PPP3R1: variants seen among roughly 807,000 people sequenced by gnomAD.
The protein encoded by PPP3R1 is calcineurin subunit B type 1.
A neutral mutation model predicts 22.6 loss-of-function variants in PPP3R1; 5 were observed. The observed-to-expected ratio is 0.22, with a 90% CI of 0.12 to 0.46. PPP3R1 has a LOEUF of 0.46. Ranked by LOEUF, PPP3R1 falls within the 20% of genes least tolerant of loss-of-function variation. PPP3R1 has a pLI of 0.99. For missense variants in PPP3R1, 61 were observed against 203.2 expected, an observed-to-expected ratio of 0.30 and a Z score of 4.25; for synonymous variants, 56 against 65.2, an observed-to-expected ratio of 0.86 and a Z score of 0.68.
chr2:68,243,476 A>C (rs1447766437), intron 1 of PPP3R1, among the ~76,000 whole-genome samples: 1 of 152,190 alleles, frequency 6.6e-6, no homozygotes, highest in Non-Finnish European at 1.5e-5. Flanking sequence ...AATAAATTTT[A>C]AACAATCAAG....
chr2:68,230,304 T>C (rs1305574487), intron 1 of PPP3R1, among the ~76,000 whole-genome samples: 2 of 152,188 alleles, frequency 1.3e-5, no homozygotes, highest in Admixed American at 6.5e-5. Context: ...TCATTTCTGT[T>C]TTCTTTATCC....
intron 2 of PPP3R1, among the ~76,000 whole-genome samples, chr2:68,192,350 G>A (rs544114218): frequency 6.6e-6 from 1 of 152,196 alleles, no homozygotes; most frequent in South Asian, 2.1e-4. Context: ...GAGTAGATAA[G>A]AAAAGATAAT....
intron 2 of PPP3R1, among the ~76,000 whole-genome samples, chr2:68,189,979 GAA>G (rs1324927886): frequency 2.0e-5 from 3 of 151,866 alleles, no homozygotes; most frequent in Admixed American, 2.0e-4. Context: ...CACAACACTA[GAA>G]AAGAGTACAA....
chr2:68,193,883 T>G (rs1674716994), intron 2 of PPP3R1, among the ~76,000 whole-genome samples: 1 of 152,128 alleles, frequency 6.6e-6, no homozygotes, highest in East Asian at 1.9e-4. Context: ...TTCTAACTTT[T>G]GGCGCCAATT....
chr2:68,252,316 G>C lies in PPP3R1; in HGVS notation c.-189C>G, dbSNP rs1035077945. 1 of 1,022,518 alleles carries C rather than the reference G, an allele frequency of 9.8e-7. No individual in the cohort carries two copies. The highest frequency in any genetic ancestry group is 9.8e-5 in the East Asian group (1 of 10,246). 63.3% of individuals were successfully genotyped at this position (1,022,518 alleles called of 1,614,324 possible). On this transcript the variant is annotated 5_prime_UTR_variant, in exon 1 of 6. Coordinates refer to ENST00000234310, the MANE Select transcript of PPP3R1 (RefSeq NM_000945.4). ...CGGCCGGGCGATTGGGCACGCGAGGGAGCGGGCAGGGTAGGGGGAAATAAA... is the reference window on the plus strand; with the variant it reads ...CGGCCGGGCGATTGGGCACGCGAGGCAGCGGGCAGGGTAGGGGGAAATAAA...
At chr2:68,184,905 T>C (rs1016490595) in intron 5 of PPP3R1, among the ~76,000 whole-genome samples, 10 of 151,958 alleles carry the variant, frequency 6.6e-5, no homozygotes, top group African/African-American at 9.7e-5. Flanking sequence ...CTGGGCAACA[T>C]AGCGAGACCC....
rs1305459639 is a variant in PPP3R1, at chr2:68,229,934, GTA to G, written c.4-12805_4-12804del. Among the ~76,000 whole-genome samples the G allele has an allele frequency of 2.2e-3, 333 of 148,428 alleles. 5 individuals are homozygous for G. Among genetic ancestry groups the G allele is most frequent in the African/African-American group, 8.2e-3 (324 of 39,566 alleles). On this transcript the variant is annotated intron_variant, in intron 1 of 5. Transcript: ENST00000234310. The stretch of plus-strand genomic sequence containing the variant: ...TGTATATGTGTATATATATGTGTGT[GTA>G]TGTGTGTATATATGTGTGTGTGTAT...
chr2:68,179,462 A>T lies in PPP3R1; in HGVS notation c.*1501T>A, dbSNP rs1384809397. 1 of 152,480 alleles carries T rather than the reference A, an allele frequency of 6.6e-6. No individual in the cohort carries two copies. Among genetic ancestry groups the T allele is most frequent in the Non-Finnish European group, 1.5e-5 (1 of 68,034 alleles). 9.4% of individuals were successfully genotyped at this position (152,480 alleles called of 1,614,324 possible). A position where few individuals can be genotyped will look rare whatever the true frequency, so the allele number is the denominator to read the frequency against. On this transcript the variant is annotated 3_prime_UTR_variant, in exon 6 of 6. Coordinates refer to ENST00000234310, the MANE Select transcript of PPP3R1 (RefSeq NM_000945.4). The stretch of plus-strand genomic sequence containing the variant: ...ACAGAGCCCATGATGTGCAGCACTC[A>T]GTTGAAGGAACAGCGATGGCAGGCA...
In PPP3R1 at chr2:68,179,944, C is replaced by T. The variant is rs1229854187; in HGVS notation, c.*1019G>A. ...TAGATTAGCTGCAAGTCTTTTGAAA[C>T]AAGGGAATTCATGATTCAAACACAA... On this transcript the variant is annotated 3_prime_UTR_variant, in exon 6 of 6. Coordinates refer to ENST00000234310, the MANE Select transcript of PPP3R1 (RefSeq NM_000945.4). 1 of 152,144 alleles carries T rather than the reference C, an allele frequency of 6.6e-6. No individual in the cohort carries two copies. Among genetic ancestry groups the T allele is most frequent in the African/African-American group, 2.4e-5 (1 of 41,436 alleles). 9.4% of individuals were successfully genotyped at this position (152,144 alleles called of 1,614,324 possible). A position where few individuals can be genotyped will look rare whatever the true frequency, so the allele number is the denominator to read the frequency against.
At chr2:68,224,648 A>G (rs1301496775) in intron 1 of PPP3R1, among the ~76,000 whole-genome samples, 2 of 151,348 alleles carry the variant, frequency 1.3e-5, no homozygotes, top group South Asian at 4.2e-4. Flanking sequence ...TCGGCAGCAG[A>G]GCAAGACTCG....
At chr2:68,223,482 T>C (rs957677661) in intron 1 of PPP3R1, among the ~76,000 whole-genome samples, 10 of 152,084 alleles carry the variant, frequency 6.6e-5, no homozygotes, top group Non-Finnish European at 1.3e-4. Flanking sequence ...TCTTAGCAAA[T>C]TGAATCCAAA....
chr2:68,232,630 A>C (rs1470669998), intron 1 of PPP3R1, among the ~76,000 whole-genome samples: 1 of 151,956 alleles, frequency 6.6e-6, no homozygotes, highest in African/African-American at 2.4e-5. Flanking sequence ...TTTTTGAGAC[A>C]GAGTCTTGCT....
chr2:68,228,155 C>T (rs187955283), intron 1 of PPP3R1, among the ~76,000 whole-genome samples: 5 of 152,036 alleles, frequency 3.3e-5, no homozygotes, highest in African/African-American at 1.2e-4. Context: ...TTTGTTTTGT[C>T]TTGGGTTTTA....
chr2:68,198,319 A>ATG (rs1176865822), intron 2 of PPP3R1, among the ~76,000 whole-genome samples: 1 of 111,260 alleles, frequency 9.0e-6, no homozygotes, highest in Non-Finnish European at 1.9e-5. Flanking sequence ...ACATATATGT[A>ATG]TATACATATG....
intron 1 of PPP3R1, among the ~76,000 whole-genome samples, chr2:68,237,104 TTAGG>T (rs571302615): frequency 1.8e-3 from 270 of 151,784 alleles, no homozygotes; most frequent in African/African-American, 6.1e-3. Flanking sequence ...TCACTTTTAG[TTAGG>T]TATTGTTACT....
intron 1 of PPP3R1, among the ~76,000 whole-genome samples, chr2:68,229,910 GTA>G (rs1316076142): frequency 8.6e-5 from 13 of 151,054 alleles, no homozygotes; most frequent in African/African-American, 2.7e-4. Context: ...GGGTGTGTGT[GTA>G]TATGTGTATA....
chr2:68,224,954 C>T (rs931062494), intron 1 of PPP3R1, among the ~76,000 whole-genome samples: 1 of 152,122 alleles, frequency 6.6e-6, no homozygotes, highest in Non-Finnish European at 1.5e-5. Context: ...TATCACTAGA[C>T]ATTAGAGAAA....
intron 1 of PPP3R1, among the ~76,000 whole-genome samples, chr2:68,250,308 T>C (rs767112947): frequency 2.0e-5 from 3 of 152,022 alleles, no homozygotes; most frequent in Admixed American, 6.5e-5. Flanking sequence ...AAATAAGAAA[T>C]TGAAGAGCTA....
chr2:68,198,829 T>C (rs997625941), intron 2 of PPP3R1, among the ~76,000 whole-genome samples: 3 of 152,210 alleles, frequency 2.0e-5, no homozygotes, highest in African/African-American at 7.2e-5. Flanking sequence ...TATCTTCATT[T>C]GTGTAGGTCT....
Sources: gnomAD v4.1 joint callset for allele counts (sites outside exome capture counted in the v4.1 genomes callset) on GRCh38, gnomAD v4.1.1 for gene constraint, MANE v1.5 for transcripts, NCBI Gene and HGNC (gene_info 2026-07-23, HGNC 2026-07-21) for gene names.